CDK14: variants seen among roughly 807,000 people sequenced by gnomAD.
CDK14 encodes the protein cyclin dependent kinase 14.
CDK14 carries 34 observed loss-of-function variants against 60.7 expected under a neutral mutation model. That is an observed-to-expected ratio of 0.56 (90% CI 0.43 to 0.75). The LOEUF is 0.75. Ranked by LOEUF, CDK14 falls within the 30% of genes least tolerant of loss-of-function variation. The pLI is 0.00. For missense variants in CDK14, 482 were observed against 564.1 expected (o/e 0.85, Z 1.47); for synonymous variants, 197 against 203.7 (o/e 0.97, Z 0.28).
intron 8 of CDK14, among the ~76,000 whole-genome samples, chr7:90,948,649 T>C (rs1015783627): frequency 6.6e-6 from 1 of 152,206 alleles, no homozygotes; most frequent in Non-Finnish European, 1.5e-5. Flanking sequence ...TAAGCATCTA[T>C]AGGCAATATG....
At chr7:90,808,221 T>C (rs1330958364) in intron 5 of CDK14, among the ~76,000 whole-genome samples, 4 of 152,154 alleles carry the variant, frequency 2.6e-5, no homozygotes, top group Non-Finnish European at 5.9e-5. Flanking sequence ...GAGAGAAAGA[T>C]TGGGTTACCC....
At chr7:91,027,486 A>G (rs1053299838) in intron 10 of CDK14, among the ~76,000 whole-genome samples, 1 of 152,132 alleles carries the variant, frequency 6.6e-6, no homozygotes, top group Admixed American at 6.5e-5. Context: ...TATGTAATTT[A>G]CTAATTTTAG....
intron 10 of CDK14, among the ~76,000 whole-genome samples, chr7:91,001,604 GAA>G (rs767218372): frequency 1.4e-4 from 21 of 152,046 alleles, no homozygotes; most frequent in Non-Finnish European, 2.5e-4. Flanking sequence ...TGAATATAAA[GAA>G]ACTTTCTTTT....
At chr7:90,780,513 A>T (rs6972039) in intron 4 of CDK14, among the ~76,000 whole-genome samples, 8 of 149,474 alleles carry the variant, frequency 5.4e-5, no homozygotes, top group African/African-American at 2.0e-4. Flanking sequence ...CCATGTTGGT[A>T]TGCTGCACCC....
intron 2 of CDK14, among the ~76,000 whole-genome samples, chr7:90,643,891 A>G (rs1800402866): frequency 6.6e-6 from 1 of 152,198 alleles, no homozygotes; most frequent in South Asian, 2.1e-4. Context: ...GAAACGATAT[A>G]AATCAGATGG....
At chr7:90,866,444 A>G (rs1456373937) in intron 6 of CDK14, among the ~76,000 whole-genome samples, 1 of 152,150 alleles carries the variant, frequency 6.6e-6, no homozygotes, top group African/African-American at 2.4e-5. Flanking sequence ...TGAGGGAGAT[A>G]CCATTGTAAG....
chr7:90,750,328 G>C (rs984645358), intron 4 of CDK14, among the ~76,000 whole-genome samples: 3 of 152,178 alleles, frequency 2.0e-5, no homozygotes, highest in African/African-American at 7.2e-5. Context: ...TGAAAAATCT[G>C]AATGTCTTGG....
intron 12 of CDK14, among the ~76,000 whole-genome samples, chr7:91,111,799 G>C (rs929780979): frequency 6.6e-6 from 1 of 152,156 alleles, no homozygotes; most frequent in African/African-American, 2.4e-5. Context: ...TGATTGCTCT[G>C]AGTAGAGAAA....
At chr7:90,852,829 T>C (rs1175273821) in intron 5 of CDK14, among the ~76,000 whole-genome samples, 1 of 152,134 alleles carries the variant, frequency 6.6e-6, no homozygotes, top group Non-Finnish European at 1.5e-5. Flanking sequence ...GCCTGAGGGA[T>C]TTTAAGGCTT....
At chr7:90,904,983 C>T (rs895639934) in intron 7 of CDK14, among the ~76,000 whole-genome samples, 1 of 152,130 alleles carries the variant, frequency 6.6e-6, no homozygotes, top group African/African-American at 2.4e-5. Flanking sequence ...GGTAAAATTA[C>T]CATTTTCAGA....
At chr7:90,826,542 A>G (rs992285204) in intron 5 of CDK14, among the ~76,000 whole-genome samples, 2 of 152,164 alleles carry the variant, frequency 1.3e-5, no homozygotes, top group African/African-American at 4.8e-5. Context: ...TAAAGAACTC[A>G]GTATCCCTGG....
At chr7:90,743,844 C>T (rs1803453892) in intron 3 of CDK14, among the ~76,000 whole-genome samples, 1 of 151,854 alleles carries the variant, frequency 6.6e-6, no homozygotes, top group African/African-American at 2.4e-5. Context: ...TTTTCCCCTT[C>T]TTTATTTTCA....
intron 5 of CDK14, among the ~76,000 whole-genome samples, chr7:90,848,269 GT>G (rs1166491093): frequency 2.6e-5 from 4 of 151,990 alleles, no homozygotes; most frequent in African/African-American, 7.2e-5. Context: ...GCCTGGCTAA[GT>G]TTTTTAGTAG....
At chr7:90,655,767 T>G (rs908076359) in intron 2 of CDK14, among the ~76,000 whole-genome samples, 2 of 152,192 alleles carry the variant, frequency 1.3e-5, no homozygotes, top group African/African-American at 4.8e-5. Context: ...CTTTCAAGAC[T>G]TCCTGTGGCC....
chr7:90,903,935 A>T (rs1792607423), intron 7 of CDK14, among the ~76,000 whole-genome samples: 2 of 152,072 alleles, frequency 1.3e-5, no homozygotes, highest in African/African-American at 4.8e-5. Flanking sequence ...TTCTCCCATG[A>T]TCTACAGCAT....
chr7:90,731,458 T>C (rs1485691210), intron 3 of CDK14, among the ~76,000 whole-genome samples: 1 of 152,214 alleles, frequency 6.6e-6, no homozygotes, highest in Non-Finnish European at 1.5e-5. Flanking sequence ...ATGATATTGA[T>C]TCTTCATATC....
At chr7:91,190,950 T>G (rs1358773608) in intron 14 of CDK14, among the ~76,000 whole-genome samples, 1 of 152,134 alleles carries the variant, frequency 6.6e-6, no homozygotes, top group Admixed American at 6.6e-5. Flanking sequence ...GGCATCAAAG[T>G]GAATGATTTG....
intron 9 of CDK14, among the ~76,000 whole-genome samples, chr7:90,973,972 G>T (rs1408157824): frequency 6.6e-6 from 1 of 152,146 alleles, no homozygotes; most frequent in African/African-American, 2.4e-5. Context: ...TAGTAAGCCT[G>T]AGGGTACTGC....
intron 2 of CDK14, among the ~76,000 whole-genome samples, chr7:90,714,822 C>G (rs1370282858): frequency 6.6e-6 from 1 of 151,932 alleles, no homozygotes; most frequent in Non-Finnish European, 1.5e-5. Context: ...AAATTATTAT[C>G]CAAGCACTAA....
Sources: allele counts gnomAD v4.1 joint callset (sites outside exome capture counted in the v4.1 genomes callset), GRCh38; gene constraint gnomAD v4.1.1; transcripts MANE v1.5; gene names NCBI Gene and HGNC (gene_info 2026-07-23, HGNC 2026-07-21).